The following COL1A2 variants were observed in gnomAD, a reference collection of about 807,000 sequenced individuals.
COL1A2 encodes the protein collagen alpha-2(I) chain.
A neutral mutation model predicts 174.3 loss-of-function variants in COL1A2; 49 were observed. The ratio of observed to expected loss-of-function variants is 0.28; its 90% confidence interval spans 0.22 to 0.36. COL1A2 has a LOEUF of 0.36. Ranked by LOEUF, COL1A2 falls within the 10% of genes least tolerant of loss-of-function variation. The probability of loss-of-function intolerance (pLI) is 1.00; values close to 1 mark genes in which losing one functional copy is unlikely to be tolerated. For synonymous variants in COL1A2, 655 were observed against 606.6 expected, an observed-to-expected ratio of 1.08 and a Z score of -1.17; for missense variants, 1,438 against 1,822.7, an observed-to-expected ratio of 0.79 and a Z score of 3.84.
rs1282368254 is a variant in COL1A2, at chr7:94,408,821, A to G, written c.790A>G (p.Lys264Glu). 5 of 1,614,032 alleles carry G rather than the reference A, an allele frequency of 3.1e-6. No individual in the cohort carries two copies. Among genetic ancestry groups the G allele is most frequent in the Non-Finnish European group, 4.2e-6 (5 of 1,180,002 alleles). ...PPGFPGAPGP[K>E]GEIGAVGNAG... ...AGGCTTCCCAGGTGCCCCTGGCCCC[A>G]AGGTAAAAACACTGGTGACCATTGT... Residue 264 changes from lysine (K) to glutamate (E), a missense_variant and splice_region_variant, in exon 16 of 52, where the codon AAG becomes GAG. This residue lies in a region of COL1A2 where 867 missense variants were observed against 1,213.7 expected (regional missense o/e 0.71). Coordinates refer to ENST00000297268, the MANE Select transcript of COL1A2 (RefSeq NM_000089.4).
chr7:94,396,446 A>G (rs1791586607), intron 1 of COL1A2, among the ~76,000 whole-genome samples: 1 of 152,186 alleles, frequency 6.6e-6, no homozygotes, highest in Admixed American at 6.5e-5. Context: ...CCGAGTTCAT[A>G]TTTTTAATGA....
chr7:94,397,378 TTCC>T (rs1791603772), intron 1 of COL1A2, among the ~76,000 whole-genome samples: 2 of 152,148 alleles, frequency 1.3e-5, no homozygotes, highest in Admixed American at 6.5e-5. Flanking sequence ...CATAAATTAT[TTCC>T]TCATCAATCT....
At chr7:94,426,399 A>G in intron 45 of COL1A2, 24 bp from the exon 46 acceptor site, 8 of 1,525,508 alleles carry the variant, frequency 5.2e-6, no homozygotes, top group Non-Finnish European at 7.2e-6. Flanking sequence ...GGTAAGTCTT[A>G]TCCATCCTTC....
At chr7:94,426,735 A>G in intron 46 of COL1A2, 1 of 632,412 alleles carries the variant, frequency 1.6e-6, no homozygotes, top group Non-Finnish European at 2.8e-6. Context: ...AGAAATAGAC[A>G]TACAATAAAA....
rs1228947659 is a variant in COL1A2 at position 94,420,152 on chromosome 7, C to A, written c.2080-81C>A. ...AAGGCAACTACAGACTCTGTCTGTC[C>A]ACCACTGTTCTCTCTCCCTCCCAGT... On this transcript the variant is annotated intron_variant, in intron 34 of 51. Transcript: ENST00000297268. 7 of 1,572,204 alleles carry A rather than the reference C, an allele frequency of 4.5e-6. No homozygotes were observed. The East Asian group carries it at 1.6e-4, about 35-fold the overall frequency.
chr7:94,403,298 A>G (rs1198605502), intron 6 of COL1A2, among the ~76,000 whole-genome samples: 4 of 152,206 alleles, frequency 2.6e-5, no homozygotes, highest in Non-Finnish European at 4.4e-5. Context: ...GACATATGTA[A>G]TCAACAGATA....
chr7:94,425,148 C>T lies in COL1A2; in HGVS notation c.2705C>T (p.Pro902Leu), dbSNP rs573123101. The T allele has an allele frequency of 2.5e-6, 4 of 1,614,162 alleles. No individual in the cohort carries two copies. Among genetic ancestry groups the T allele is most frequent in the African/African-American group, 1.3e-5 (1 of 75,050 alleles). The change falls in exon 42 of 52, where the codon CCT becomes CTT. Residue 902 changes from proline to leucine, a missense_variant. Pro to Leu is a moderately conservative substitution (Grantham distance 98). Around this residue, in one of 3 missense-constraint regions of COL1A2, gnomAD observed 867 missense variants for 1,213.7 expected, o/e 0.71. Transcript: ENST00000297268. ...GEPGPLGIAG[P>L]PGARGPPGAV... is the part of the protein sequence containing the mutation. ...CCTGGTCCTCTTGGCATTGCCGGCC[C>T]TCCTGGGGCCCGTGGTCCTCCTGGT...
At chr7:94,395,581 C>CGGA (rs1037266196) in intron 1 of COL1A2, 12 of 266,138 alleles carry the variant, frequency 4.5e-5, no homozygotes, top group African/African-American at 2.5e-4. Context: ...AAGGCTTGTC[C>CGGA]GGAGGAGGAG....
At position 94,429,200 on chromosome 7, in the gene COL1A2, G is replaced by A. The variant is rs777844571; in HGVS notation, c.3724G>A (p.Val1242Ile). The A allele has an allele frequency of 1.3e-6, 2 of 1,599,010 alleles. No individual in the cohort carries two copies. The highest frequency in any genetic ancestry group is 1.7e-6 in the Non-Finnish European group (2 of 1,172,510). Reference sequence around the variant, plus strand: ...CTATTTTCTGTAGTTTGAATATAATGTAGAAGGAGTGACTTCCAAGGAAAT... The same window carrying A: ...CTATTTTCTGTAGTTTGAATATAATATAGAAGGAGTGACTTCCAAGGAAAT... The part of the protein sequence containing the change: ...INAGSQFEYN[V>I]EGVTSKEMAT... Residue 1242 changes from valine (V) to isoleucine (I), a missense_variant, in exon 51 of 52, where the codon GTA (valine) becomes ATA (isoleucine). Around this residue, in one of 3 missense-constraint regions of COL1A2, gnomAD observed 290 missense variants for 298.1 expected, o/e 0.97. Transcript: ENST00000297268.
In COL1A2 at chr7:94,421,029, T is replaced by C. The variant is rs753995069; in HGVS notation, c.2316T>C (p.Gly772=). 1.2e-5 allele frequency: 20 copies of C among 1,614,056 alleles called. No homozygotes were observed. The African/African-American group carries it at 2.5e-4, about 20-fold the overall frequency. ...TTTAGGGTCCAAATGGTCCCCCCGG[T>C]CCTGCTGGAAGTCGTGGTGATGGAG... ...AGPAGPNGPP[G]PAGSRGDGGP... The change falls in exon 38 of 52, where the codon GGT becomes GGC. Residue 772 remains glycine, a synonymous_variant. Coordinates refer to ENST00000297268, the MANE Select transcript of COL1A2 (RefSeq NM_000089.4).
At chr7:94,421,431 A>C (rs962170665) in intron 38 of COL1A2, 2 of 389,312 alleles carry the variant, frequency 5.1e-6, no homozygotes, top group African/African-American at 4.1e-5. Context: ...CCAAAAATGA[A>C]CTTTACTGAC....
chr7:94,428,559 C>G (rs1792335243), intron 50 of COL1A2, 82 bp downstream of exon 50: 1 of 1,349,930 alleles, frequency 7.4e-7, no homozygotes, highest in Non-Finnish European at 1.0e-6. Context: ...ATTTTAATCT[C>G]TGACAAAAAT....
At position 94,430,681 on chromosome 7, in the gene COL1A2, A is replaced by T; in HGVS notation, c.*288A>T. On this transcript the variant is annotated 3_prime_UTR_variant, in exon 52 of 52. Transcript: ENST00000297268. Reference sequence around the variant, plus strand: ...TAAGAAAACCAAAATAAAAATTGAAAAATAAAAACCATAAACATTTGCACC... The same window carrying T: ...TAAGAAAACCAAAATAAAAATTGAATAATAAAAACCATAAACATTTGCACC... The T allele has an allele frequency of 2.5e-6, 1 of 393,088 alleles. No individual in the cohort carries two copies. The allele number at this position is 393,088 out of a possible 1,614,324, so 24.4% of individuals were successfully genotyped here. A position where few individuals can be genotyped will look rare whatever the true frequency, so the allele number is the denominator to read the frequency against.
rs1457213336 is a variant in COL1A2, at chr7:94,417,773, C to T, written c.1913C>T (p.Pro638Leu). ...GTGGGCACTGCTGGTCCATCTGGTC[C>T]TAGTGGACTCCCAGGAGAGAGGGGT... Reference protein sequence around the residue: ...GAVGTAGPSGPSGLPGERGAA... With the variant: ...GAVGTAGPSGLSGLPGERGAA... Residue 638 changes from proline (P) to leucine (L), a missense_variant, in exon 32 of 52, where the codon CCT becomes CTT. Physicochemically the swap from Pro to Leu is moderately conservative, Grantham distance 98 (BLOSUM62 -3). Coordinates refer to ENST00000297268, the MANE Select transcript of COL1A2 (RefSeq NM_000089.4). 6.2e-7 allele frequency: 1 copy of T among 1,604,748 alleles called. No individual in the cohort carries two copies. The highest frequency in any genetic ancestry group is 1.1e-5 in the South Asian group (1 of 88,584).
intron 6 of COL1A2, among the ~76,000 whole-genome samples, chr7:94,402,001 G>A (rs539472541): frequency 6.6e-6 from 1 of 152,148 alleles, no homozygotes; most frequent in Admixed American, 6.5e-5. Flanking sequence ...AGAATTTTAA[G>A]CAACACTTAG....
rs150670521 is a variant in COL1A2 at position 94,420,420 on chromosome 7, C to T, written c.2163C>T (p.Gly721=). ...PGERGEVGPA[G]PNGFAGPAGA... ...AACGTGGTGAGGTCGGTCCTGCTGG[C>T]CCCAATGGATTTGCTGGTCCTGCTG... is the stretch of plus-strand genomic sequence containing the variant. The change falls in exon 36 of 52, where the codon GGC becomes GGT. Residue 721 remains glycine (G), a synonymous_variant. Coordinates refer to ENST00000297268, the MANE Select transcript of COL1A2 (RefSeq NM_000089.4). 5.0e-4 allele frequency: 807 copies of T among 1,614,014 alleles called. No homozygotes were observed. Among genetic ancestry groups the T allele is most frequent in the Non-Finnish European group, 6.5e-4 (770 of 1,180,024 alleles).
chr7:94,415,402 A>G lies in COL1A2; in HGVS notation c.1764+132A>G, dbSNP rs41317162. 3.9e-3 allele frequency: 3,091 copies of G among 783,362 alleles called. 9 individuals carry two copies. Among genetic ancestry groups the G allele is most frequent in the Non-Finnish European group, 5.8e-3 (2,650 of 455,576 alleles). The allele number at this position is 783,362 out of a possible 1,614,324, so 48.5% of individuals were successfully genotyped here. A position where few individuals can be genotyped will look rare whatever the true frequency, so the allele number is the denominator to read the frequency against. ...TCTTCTATAGTCAAATGTAATCTGT[A>G]GAAAGCATTAGATTTCTAAGTTGAT... On this transcript the variant is annotated intron_variant, in intron 30 of 51. Coordinates refer to ENST00000297268, the MANE Select transcript of COL1A2 (RefSeq NM_000089.4).
chr7:94,416,553 A>T, intron 31 of COL1A2, 50 bp downstream of exon 31: 1 of 1,280,864 alleles, frequency 7.8e-7, no homozygotes, highest in Non-Finnish European at 1.1e-6. Context: ...TCTGCCTGGA[A>T]TAAGTAGACC....
At chr7:94,416,549 TG>T (rs1207414635) in intron 31 of COL1A2, 46 bp downstream of exon 31, 6 of 1,360,684 alleles carry the variant, frequency 4.4e-6, no homozygotes, top group Non-Finnish European at 6.2e-6. Flanking sequence ...CCAGTCTGCC[TG>T]GAATAAGTAG....
Sources: allele counts gnomAD v4.1 joint callset (sites outside exome capture counted in the v4.1 genomes callset), GRCh38; gene constraint gnomAD v4.1.1; regional missense constraint gnomAD v4.1.1; transcripts MANE v1.5; gene names NCBI Gene and HGNC (gene_info 2026-07-23, HGNC 2026-07-21).